Variants in KLF17 observed in about 807,000 individuals in gnomAD.
The protein encoded by KLF17 is KLF transcription factor 17.
A neutral mutation model predicts 34.2 loss-of-function variants in KLF17; 31 were observed. The observed-to-expected ratio is 0.91, with a 90% CI of 0.68 to 1.22. KLF17 has a LOEUF of 1.22. Among genes scored for constraint, KLF17 ranks in the 50% most tolerant of loss-of-function variants. KLF17 has a pLI of 0.00. For synonymous variants in KLF17, 179 were observed against 186.7 expected, an observed-to-expected ratio of 0.96 and a Z score of 0.34; for missense variants, 478 against 505.2, an observed-to-expected ratio of 0.95 and a Z score of 0.52.
chr1:44,134,989 A>G lies in KLF17; in HGVS notation c.*1752A>G, dbSNP rs1401635454. 6.6e-6 allele frequency: 1 copy of G among 152,206 alleles called. No individual in the cohort carries two copies. The highest frequency in any genetic ancestry group is 1.9e-4 in the East Asian group (1 of 5,204). 9.4% of individuals were successfully genotyped at this position (152,206 alleles called of 1,614,324 possible). Reference sequence around the variant, plus strand: ...GCAAAAAATATTTTGTATATATCCAATTTAATAATAAATGCACTCATGTTA... The same window carrying G: ...GCAAAAAATATTTTGTATATATCCAGTTTAATAATAAATGCACTCATGTTA... On this transcript the variant is annotated 3_prime_UTR_variant, in exon 4 of 4. Coordinates refer to ENST00000372299, the MANE Select transcript of KLF17 (RefSeq NM_173484.4).
the KLF17 span, among the ~76,000 whole-genome samples, chr1:44,108,913 C>T: frequency 1.4e-4 from 21 of 152,144 alleles, no homozygotes; most frequent in Admixed American, 2.6e-4. Context: ...GTGATCTGCC[C>T]GCCTTGGCCT....
chr1:44,095,140 A>G, the KLF17 span, among the ~76,000 whole-genome samples: 1 of 149,896 alleles, frequency 6.7e-6, no homozygotes, highest in African/African-American at 2.5e-5. Context: ...TGACCTCATG[A>G]TCCGCCCGCC....
chr1:44,104,492 C>T, the KLF17 span: 1 of 766,270 alleles, frequency 1.3e-6, no homozygotes. Flanking sequence ...GGTTCTTGAT[C>T]TGCTCCTTCT....
the KLF17 span, among the ~76,000 whole-genome samples, chr1:44,091,114 G>A: frequency 6.6e-6 from 1 of 151,746 alleles, no homozygotes; most frequent in Non-Finnish European, 1.5e-5. Flanking sequence ...TTAAAACTGA[G>A]AATTTAAAAA....
the KLF17 span, among the ~76,000 whole-genome samples, chr1:44,102,628 A>AAAAG: frequency 0.31 from 43,428 of 140,970 alleles, 7,720 homozygotes; most frequent in South Asian, 0.36. Context: ...AAGAAAAAGA[A>AAAAG]AAAGAAAGAA....
At chr1:44,048,090 A>C in the KLF17 span, 1 of 151,736 alleles carries the variant, frequency 6.6e-6, no homozygotes, top group Non-Finnish European at 1.5e-5. Flanking sequence ...TCCTAACTTC[A>C]CCATGCAGAA....
At chr1:44,091,961 A>ACTCT in the KLF17 span, among the ~76,000 whole-genome samples, 13 of 116,542 alleles carry the variant, frequency 1.1e-4, no homozygotes, top group African/African-American at 2.5e-4. Flanking sequence ...ACACACACAC[A>ACTCT]CTCTCTCTCT....
At chr1:44,101,292 G>A in the KLF17 span, among the ~76,000 whole-genome samples, 3 of 152,238 alleles carry the variant, frequency 2.0e-5, no homozygotes, top group East Asian at 5.8e-4. Flanking sequence ...AACTAATGCT[G>A]ATATTTATAC....
At chr1:44,099,532 C>T in the KLF17 span, among the ~76,000 whole-genome samples, 6 of 151,860 alleles carry the variant, frequency 4.0e-5, no homozygotes, top group Admixed American at 3.9e-4. Context: ...GTAATCCCAG[C>T]ACTTTGGGAG....
At chr1:44,087,112 T>C in the KLF17 span, among the ~76,000 whole-genome samples, 1 of 152,136 alleles carries the variant, frequency 6.6e-6, no homozygotes, top group African/African-American at 2.4e-5. Flanking sequence ...GATAATACAG[T>C]TGAGGGTAAT....
chr1:44,071,863 G>A, the KLF17 span, among the ~76,000 whole-genome samples: 41 of 152,102 alleles, frequency 2.7e-4, no homozygotes, highest in African/African-American at 9.9e-4. Context: ...CACACTCTTG[G>A]CTACCTGCTG....
the KLF17 span, chr1:44,101,548 A>AT: frequency 2.6e-5 from 4 of 152,108 alleles, no homozygotes; most frequent in African/African-American, 4.8e-5. Context: ...CGAGTTATGC[A>AT]TTTTTTGGCA....
At chr1:44,125,156 C>T (rs960598064) in intron 1 of KLF17, among the ~76,000 whole-genome samples, 1 of 152,180 alleles carries the variant, frequency 6.6e-6, no homozygotes, top group Non-Finnish European at 1.5e-5. Context: ...TGGCTTCAAG[C>T]TACTATCTAG....
chr1:44,104,432 C>T, the KLF17 span: 1 of 842,828 alleles, frequency 1.2e-6, no homozygotes, highest in South Asian at 1.3e-5. Flanking sequence ...TCTTGTTCTG[C>T]TGCCCCAGGA....
chr1:44,112,964 GGCTCTT>G, the KLF17 span, among the ~76,000 whole-genome samples: 5 of 152,254 alleles, frequency 3.3e-5, no homozygotes, highest in Admixed American at 1.3e-4. Flanking sequence ...ACATCTCAGG[GGCTCTT>G]GTTCATTCTG....
the KLF17 span, among the ~76,000 whole-genome samples, chr1:44,060,629 G>A: frequency 2.0e-5 from 3 of 152,072 alleles, no homozygotes; most frequent in African/African-American, 7.2e-5. Context: ...AGGACTAGCA[G>A]CACCCTAGGG....
the KLF17 span, among the ~76,000 whole-genome samples, chr1:44,044,341 T>C: frequency 6.6e-6 from 1 of 152,182 alleles, no homozygotes; most frequent in Non-Finnish European, 1.5e-5. Context: ...TGGCAATGTA[T>C]TGGGGGTGAC....
At chr1:44,052,416 G>A in the KLF17 span, among the ~76,000 whole-genome samples, 2 of 152,224 alleles carry the variant, frequency 1.3e-5, no homozygotes, top group African/African-American at 2.4e-5. Context: ...CCACCTGAAC[G>A]TTGTTTTTGG....
At chr1:44,072,717 T>G in the KLF17 span, among the ~76,000 whole-genome samples, 1 of 151,238 alleles carries the variant, frequency 6.6e-6, no homozygotes, top group African/African-American at 2.4e-5. Flanking sequence ...ACAAAAATAA[T>G]AAATAAAAAG....
Sources: gnomAD v4.1 joint callset for allele counts (sites outside exome capture counted in the v4.1 genomes callset) on GRCh38, gnomAD v4.1.1 for gene constraint, MANE v1.5 for transcripts, NCBI Gene and HGNC (gene_info 2026-07-23, HGNC 2026-07-21) for gene names.